Variants in KCNA3 observed in about 807,000 individuals in gnomAD.
KCNA3 encodes potassium voltage-gated channel subfamily A member 3, also known as RP11-284N8.3.
KCNA3 carries 18 observed loss-of-function variants against 34.3 expected under a neutral mutation model. The ratio of observed to expected loss-of-function variants is 0.52; its 90% CI spans 0.36 to 0.78. The LOEUF (loss-of-function observed/expected upper bound fraction) is 0.78, where lower values mean the gene tolerates loss of function less well. Among genes scored for constraint, KCNA3 ranks in the 30% least tolerant of loss-of-function variants. KCNA3 has a pLI of 0.00. For synonymous variants in KCNA3, 324 were observed against 351.7 expected (o/e 0.92, Z 0.88); for missense variants, 587 against 802.5 (o/e 0.73, Z 3.24).
chr1:110,671,052 C>G (rs1215307967), downstream of KCNA3, among the ~76,000 whole-genome samples: 1 of 151,938 alleles, frequency 6.6e-6, no homozygotes, highest in East Asian at 1.9e-4. Context: ...TATTTTTAAC[C>G]CTTTTTTGTT....
At position 110,674,414 on chromosome 1, in the gene KCNA3, G is replaced by T; in HGVS notation, c.396C>A (p.Asp132Glu). The T allele has an allele frequency of 6.2e-7, 1 of 1,614,172 alleles. No homozygotes were observed. The highest frequency in any genetic ancestry group is 1.1e-5 in the South Asian group (1 of 91,082). Reference protein sequence around the residue: ...LCQFPETLLGDPKRRMRYFDP... With the variant: ...LCQFPETLLGEPKRRMRYFDP... Reference sequence around the variant, plus strand: ...CGAAGTACCTCATGCGCCGCTTGGGGTCGCCCAGCAGCGTCTCGGGGAACT... The same window carrying T: ...CGAAGTACCTCATGCGCCGCTTGGGTTCGCCCAGCAGCGTCTCGGGGAACT... Residue 132 changes from aspartate (D) to glutamate (E), a missense_variant, in exon 1 of 1, where the codon GAC becomes GAA. Asp to Glu is a conservative substitution (Grantham distance 45, BLOSUM62 2). This residue lies in a region of KCNA3 where 341 missense variants were observed against 355.4 expected (regional missense o/e 0.96). Coordinates refer to ENST00000369769, the MANE Select transcript of KCNA3 (RefSeq NM_002232.5). This position sits in a 1 kb window ranked among gnomAD's most constrained non-coding sequence, Gnocchi z 6.4.
At chr1:110,661,470 T>C in the KCNA3 span, among the ~76,000 whole-genome samples, 1 of 152,212 alleles carries the variant, frequency 6.6e-6, no homozygotes, top group African/African-American at 2.4e-5. Context: ...TTTAAAGTTA[T>C]AATGGTCTAA....
chr1:110,668,445 T>C (rs939613773), downstream of KCNA3, among the ~76,000 whole-genome samples: 1 of 152,204 alleles, frequency 6.6e-6, no homozygotes, highest in African/African-American at 2.4e-5. Flanking sequence ...ACATTGTCTT[T>C]ATATACTATA....
the KCNA3 span, chr1:110,656,811 TA>T: frequency 6.6e-6 from 1 of 152,232 alleles, no homozygotes; most frequent in African/African-American, 2.4e-5. Context: ...AACATTTAAC[TA>T]AACAAATGCT....
chr1:110,670,220 A>G (rs949046797), downstream of KCNA3, among the ~76,000 whole-genome samples: 2 of 152,214 alleles, frequency 1.3e-5, no homozygotes, highest in African/African-American at 4.8e-5. Context: ...CACTCAACAA[A>G]TATAAAAGGT....
At chr1:110,661,820 A>C in the KCNA3 span, among the ~76,000 whole-genome samples, 1 of 152,102 alleles carries the variant, frequency 6.6e-6, no homozygotes, top group African/African-American at 2.4e-5. Context: ...TAATCATCAT[A>C]ATGTCAGCCG....
chr1:110,666,328 A>C, the KCNA3 span, among the ~76,000 whole-genome samples: 1 of 152,214 alleles, frequency 6.6e-6, no homozygotes, highest in Non-Finnish European at 1.5e-5. Context: ...TGAAGTAAAA[A>C]TAGAAGTCAA....
At chr1:110,663,900 A>G in the KCNA3 span, among the ~76,000 whole-genome samples, 2 of 152,218 alleles carry the variant, frequency 1.3e-5, no homozygotes, top group African/African-American at 2.4e-5. Flanking sequence ...CACTTCAAAA[A>G]ATAGCTAATT....
At chr1:110,670,698 C>T (rs1651855807), downstream of KCNA3, among the ~76,000 whole-genome samples, 1 of 152,036 alleles carries the variant, frequency 6.6e-6, no homozygotes, top group Admixed American at 6.6e-5. Flanking sequence ...ATAATGAAGT[C>T]CTACTTAGAT....
chr1:110,664,379 T>A, the KCNA3 span, among the ~76,000 whole-genome samples: 1 of 152,194 alleles, frequency 6.6e-6, no homozygotes, highest in Non-Finnish European at 1.5e-5. Flanking sequence ...GTTACTTACA[T>A]TAAAGGATTG....
rs950009590 is a variant in KCNA3 at position 110,672,804 on chromosome 1, G to A, written c.*278C>T. The A allele has an allele frequency of 3.1e-5, 11 of 358,356 alleles. No homozygotes were observed. Among genetic ancestry groups the A allele is most frequent in the Non-Finnish European group, 5.5e-5 (11 of 198,474 alleles). The allele number at this position is 358,356 out of a possible 1,614,324, so 22.2% of individuals were successfully genotyped here. ...TGTACTGCTCTTTTTTAAATAGGGC[G>A]TGTACTAGAAATGAAGTTTAACGTA... On this transcript the variant is annotated 3_prime_UTR_variant, in exon 1 of 1. Coordinates refer to ENST00000369769, the MANE Select transcript of KCNA3 (RefSeq NM_002232.5).
At position 110,674,888 on chromosome 1, in the gene KCNA3, G is replaced by A. The variant is rs889140441; in HGVS notation, c.-79C>T. On this transcript the variant is annotated 5_prime_UTR_variant, in exon 1 of 1. Transcript: ENST00000369769. The surrounding 1 kb of genome is among the most constrained non-coding windows in gnomAD (Gnocchi z 6.4). The stretch of plus-strand genomic sequence containing the variant: ...CCGCCCTTTCGCCGCCTCCGCCCCC[G>A]AGCCGAGCCCACCGCCTGTTGCAGC... The A allele has an allele frequency of 1.0e-5, 13 of 1,269,700 alleles. No individual in the cohort carries two copies. Among genetic ancestry groups the A allele is most frequent in the Non-Finnish European group, 1.3e-5 (13 of 1,010,600 alleles). 78.7% of individuals were successfully genotyped at this position (1,269,700 alleles called of 1,614,324 possible). A position where few individuals can be genotyped will look rare whatever the true frequency, so the allele number is the denominator to read the frequency against.
the KCNA3 span, among the ~76,000 whole-genome samples, chr1:110,663,087 G>A: frequency 1.3e-5 from 2 of 152,040 alleles, no homozygotes; most frequent in African/African-American, 4.8e-5. Context: ...AGTCAGACAC[G>A]AGGTAAATAC....
Position 110,674,937 on chromosome 1 carries a change from G to A in KCNA3, c.-128C>T, listed in dbSNP as rs1038727341. The A allele has an allele frequency of 1.7e-6, 2 of 1,169,290 alleles. No individual in the cohort carries two copies. Among genetic ancestry groups the A allele is most frequent in the African/African-American group, 3.2e-5 (2 of 62,756 alleles). The allele number at this position is 1,169,290 out of a possible 1,614,324, so 72.4% of individuals were successfully genotyped here. On this transcript the variant is annotated 5_prime_UTR_variant, in exon 1 of 1. Transcript: ENST00000369769. The surrounding 1 kb of genome is among the most constrained non-coding windows in gnomAD (Gnocchi z 6.4). ...GCCAAAGCCGCGATGCTCTGTCTGGGTCTGGCGCGGTCAGCCGGGCTCCCG... is the reference window on the plus strand; with the variant it reads ...GCCAAAGCCGCGATGCTCTGTCTGGATCTGGCGCGGTCAGCCGGGCTCCCG...
chr1:110,667,296 G>T, the KCNA3 span, among the ~76,000 whole-genome samples: 1 of 152,054 alleles, frequency 6.6e-6, no homozygotes, highest in Non-Finnish European at 1.5e-5. Context: ...TAAAAAGTGG[G>T]TAGGGGCCTC....
At chr1:110,668,635 T>C (rs1364337587), downstream of KCNA3, among the ~76,000 whole-genome samples, 4 of 152,204 alleles carry the variant, frequency 2.6e-5, no homozygotes. Context: ...TCTGTGGTTA[T>C]GTCACCACAG....
the KCNA3 span, among the ~76,000 whole-genome samples, chr1:110,665,070 G>A: frequency 6.6e-6 from 1 of 152,360 alleles, no homozygotes; most frequent in African/African-American, 2.4e-5. Context: ...AGGGCAAAAT[G>A]AGACAGGGCC....
the KCNA3 span, among the ~76,000 whole-genome samples, chr1:110,659,590 TCAGA>T: frequency 0.012 from 1,811 of 152,228 alleles, 21 homozygotes; most frequent in Non-Finnish European, 0.018. Context: ...CAGGGATCTG[TCAGA>T]CAGAGTAAAC....
At chr1:110,668,105 A>C (rs180714301), downstream of KCNA3, among the ~76,000 whole-genome samples, 167 of 152,312 alleles carry the variant, frequency 1.1e-3, no homozygotes, top group Middle Eastern at 6.8e-3. Flanking sequence ...GGAATAGTAC[A>C]AAAACCAATA....
Sources: gnomAD v4.1 joint callset for allele counts (sites outside exome capture counted in the v4.1 genomes callset) on GRCh38, gnomAD v4.1.1 for gene constraint, gnomAD v4.1.1 regional missense constraint, Gnocchi (gnomAD v3.1) non-coding constraint, MANE v1.5 for transcripts, NCBI Gene and HGNC (gene_info 2026-07-23, HGNC 2026-07-21) for gene names.